The following BCAR3 variants were observed in gnomAD, a reference collection of about 807,000 sequenced individuals.
BCAR3 encodes the protein BCAR3 adaptor protein, NSP family member, also known as breast cancer anti-estrogen resistance protein 3.
A neutral mutation model predicts 80.1 loss-of-function variants in BCAR3; 37 were observed. That is an observed-to-expected ratio of 0.46 (90% CI 0.36 to 0.61). The LOEUF (loss-of-function observed/expected upper bound fraction) is 0.61, where lower values mean the gene tolerates loss of function less well. Ranked by LOEUF, BCAR3 falls within the 20% of genes least tolerant of loss-of-function variation. The probability of loss-of-function intolerance (pLI) is 0.00; values close to 1 mark genes in which losing one functional copy is unlikely to be tolerated. For missense variants in BCAR3, 978 were observed against 1,068.2 expected (o/e 0.92, Z 1.18); for synonymous variants, 389 against 418.9 (o/e 0.93, Z 0.87).
upstream of BCAR3, among the ~76,000 whole-genome samples, chr1:93,684,430 T>C (rs562130375): frequency 3.9e-5 from 6 of 152,318 alleles, no homozygotes; most frequent in East Asian, 1.2e-3. Context: ...AGTGAATATA[T>C]GCCCACCTCA....
At chr1:93,610,423 C>G (rs1323239548) in intron 3 of BCAR3, among the ~76,000 whole-genome samples, 2 of 152,140 alleles carry the variant, frequency 1.3e-5, no homozygotes, top group African/African-American at 2.4e-5. Flanking sequence ...CTTTGTCCAT[C>G]CAAATCCCCA....
chr1:93,616,153 G>A (rs1269635824), intron 3 of BCAR3, among the ~76,000 whole-genome samples: 2 of 152,128 alleles, frequency 1.3e-5, no homozygotes, highest in Non-Finnish European at 2.9e-5. Flanking sequence ...TGTTACCTGA[G>A]GTTTTCTCTG....
At position 93,758,478 on chromosome 1, in the gene BCAR3, ACAAAGAGTTGGT is replaced by A. The variant is rs568929075; in HGVS notation, c.-62-52348_-62-52337del. ...GCCTAACAGGAGAGTTCCAGTGCAGACAAAGAGTTGGTCTGGAAAACACCCCTAATCGGGAGC... is the reference window on the plus strand; with the variant it reads ...GCCTAACAGGAGAGTTCCAGTGCAGACTGGAAAACACCCCTAATCGGGAGC... On this transcript the variant is annotated intron_variant, in intron 2 of 13. Coordinates refer to the BCAR3 transcript ENST00000370244. Among the ~76,000 whole-genome samples the A allele has an allele frequency of 3.3e-5, 5 of 152,346 alleles. No individual in the cohort carries two copies. The South Asian group carries it at 1.0e-3, about 32-fold the overall frequency.
At chr1:93,709,047 G>A (rs1557661896) in intron 2 of BCAR3, among the ~76,000 whole-genome samples, 1 of 152,134 alleles carries the variant, frequency 6.6e-6, no homozygotes. Flanking sequence ...ATCACAAGGA[G>A]AAGTGCTGCG....
intron 2 of BCAR3, among the ~76,000 whole-genome samples, chr1:93,807,818 G>A (rs935144369): frequency 7.9e-5 from 12 of 152,020 alleles, no homozygotes; most frequent in Non-Finnish European, 1.5e-4. Flanking sequence ...AGGAATGCTT[G>A]AGCCCAGGAG....
intron 2 of BCAR3, among the ~76,000 whole-genome samples, chr1:93,758,549 C>T (rs935089889): frequency 1.3e-5 from 2 of 152,228 alleles, no homozygotes; most frequent in Non-Finnish European, 2.9e-5. Context: ...ATGACACTTT[C>T]ACTAGATTCT....
intron 2 of BCAR3, among the ~76,000 whole-genome samples, chr1:93,773,279 T>C (rs564122341): frequency 5.9e-5 from 9 of 152,332 alleles, no homozygotes; most frequent in Non-Finnish European, 5.9e-5. Context: ...CCAATCATTG[T>C]GGCACTTGAC....
chr1:93,612,810 AC>A (rs1674995837), intron 3 of BCAR3, among the ~76,000 whole-genome samples: 1 of 152,224 alleles, frequency 6.6e-6, no homozygotes, highest in Non-Finnish European at 1.5e-5. Context: ...ATGATTAATT[AC>A]TCATCCTCTG....
intron 2 of BCAR3, among the ~76,000 whole-genome samples, chr1:93,770,644 T>A (rs1407212912): frequency 1.3e-5 from 2 of 152,268 alleles, no homozygotes; most frequent in African/African-American, 2.4e-5. Flanking sequence ...AATACCTATA[T>A]TAAAATATAA....
At chr1:93,612,425 A>C (rs756578697) in intron 3 of BCAR3, among the ~76,000 whole-genome samples, 2 of 152,102 alleles carry the variant, frequency 1.3e-5, no homozygotes, top group Non-Finnish European at 2.9e-5. Flanking sequence ...CCTTTTCTAT[A>C]TATTATGTAG....
intron 8 of BCAR3, among the ~76,000 whole-genome samples, chr1:93,575,527 C>T (rs1673419982): frequency 6.6e-6 from 1 of 152,182 alleles, no homozygotes. Flanking sequence ...AACCTCTGAC[C>T]CTATTTGTCC....
chr1:93,787,983 T>C (rs369517737), intron 2 of BCAR3, among the ~76,000 whole-genome samples: 25 of 152,218 alleles, frequency 1.6e-4, no homozygotes, highest in African/African-American at 6.0e-4. Flanking sequence ...GTTTTATAAA[T>C]TTGGGAGCTC....
At chr1:93,631,460 C>CT (rs1223266231) in intron 3 of BCAR3, among the ~76,000 whole-genome samples, 3 of 152,212 alleles carry the variant, frequency 2.0e-5, no homozygotes, top group South Asian at 4.1e-4. Flanking sequence ...TCAGAACCTT[C>CT]CAGGCCAATG....
chr1:93,607,338 G>T (rs1376420673), intron 3 of BCAR3, among the ~76,000 whole-genome samples: 1 of 152,126 alleles, frequency 6.6e-6, no homozygotes, highest in Non-Finnish European at 1.5e-5. Context: ...ACATGGGAAA[G>T]ACCACAGCAT....
At chr1:93,726,912 C>T (rs575413369) in intron 2 of BCAR3, among the ~76,000 whole-genome samples, 1 of 152,310 alleles carries the variant, frequency 6.6e-6, no homozygotes, top group Admixed American at 6.5e-5. Context: ...GAGCATCTTT[C>T]TACGTGTTTA....
intron 2 of BCAR3, among the ~76,000 whole-genome samples, chr1:93,798,119 C>T (rs1028464199): frequency 1.3e-5 from 2 of 152,082 alleles, no homozygotes; most frequent in Admixed American, 6.5e-5. Context: ...TTCTCAAGTC[C>T]CCAGTGAATG....
rs1410047996 is a variant in BCAR3 at position 93,655,905 on chromosome 1, AG to A, written c.318-13563del. 2.0e-5 allele frequency among the ~76,000 whole-genome samples: 3 copies of A among 152,256 alleles called. No homozygotes were observed. The East Asian group carries it at 5.8e-4, about 29-fold the overall frequency. ...AGGAAAAGCAGAGAACAACAAAACA[AG>A]GGAGCTGTGCAGACACTAGTTAAGA... On this transcript the variant is annotated intron_variant, in intron 2 of 11. Transcript: ENST00000260502.
intron 2 of BCAR3, among the ~76,000 whole-genome samples, chr1:93,769,354 A>AGT (rs1652269826): frequency 2.4e-5 from 2 of 82,556 alleles, no homozygotes; most frequent in African/African-American, 9.9e-5. Context: ...TGTGGGTAGG[A>AGT]ATGTGTGTGT....
intron 3 of BCAR3, among the ~76,000 whole-genome samples, chr1:93,602,809 G>C (rs1056139281): frequency 2.0e-5 from 3 of 152,174 alleles, no homozygotes; most frequent in African/African-American, 7.2e-5. Flanking sequence ...TAAAAATCCA[G>C]TTCTCCACAA....
Sources: gnomAD v4.1 joint callset for allele counts (sites outside exome capture counted in the v4.1 genomes callset) on GRCh38, gnomAD v4.1.1 for gene constraint, MANE v1.5 for transcripts, NCBI Gene and HGNC (gene_info 2026-07-23, HGNC 2026-07-21) for gene names.